The following TRPS1 variants were observed in gnomAD, a reference collection of about 807,000 sequenced individuals.
TRPS1 encodes the protein transcriptional repressor GATA binding 1, also known as zinc finger transcription factor Trps1.
A neutral mutation model predicts 101.2 loss-of-function variants in TRPS1; 6 were observed. The observed-to-expected ratio is 0.06, with a 90% CI of 0.03 to 0.12. The LOEUF (loss-of-function observed/expected upper bound fraction) is 0.12, where lower values mean the gene tolerates loss of function less well. TRPS1 is among the 10% of genes least tolerant of loss of function. TRPS1 has a pLI of 1.00. For missense variants in TRPS1, 1,363 were observed against 1,567.0 expected (o/e 0.87, Z 2.20); for synonymous variants, 578 against 589.8 (o/e 0.98, Z 0.29).
chr8:115,622,270 G>T (rs1362769170), intron 2 of TRPS1, among the ~76,000 whole-genome samples: 1 of 151,906 alleles, frequency 6.6e-6, no homozygotes, highest in African/African-American at 2.4e-5. Flanking sequence ...AACCTTTTAG[G>T]AGTCCTGTAT....
intron 5 of TRPS1, among the ~76,000 whole-genome samples, chr8:115,505,305 A>T (rs1471103471): frequency 6.6e-6 from 1 of 152,166 alleles, no homozygotes; most frequent in African/African-American, 2.4e-5. Context: ...TACAGTGCAG[A>T]CAAGACAGTA....
rs530894297 is a variant in TRPS1 at position 115,562,936 on chromosome 8, T to C, written c.2700+24065A>G. ...TGTGTGTGTGTGTGTGGTGTTCCTCTCTCTCCATTAGTTTATTAGATTGGC... is the reference window on the plus strand; with the variant it reads ...TGTGTGTGTGTGTGTGGTGTTCCTCCCTCTCCATTAGTTTATTAGATTGGC... On this transcript the variant is annotated intron_variant, in intron 5 of 6. Coordinates refer to ENST00000395715, the MANE Select transcript of TRPS1 (RefSeq NM_014112.5). Among the ~76,000 whole-genome samples, 5 of 150,082 alleles carry C rather than the reference T, an allele frequency of 3.3e-5. No individual in the cohort carries two copies. The South Asian group carries it at 1.1e-3, about 32-fold the overall frequency.
chr8:115,546,391 A>G (rs1412908205), intron 5 of TRPS1, among the ~76,000 whole-genome samples: 1 of 152,108 alleles, frequency 6.6e-6, no homozygotes, highest in Non-Finnish European at 1.5e-5. Flanking sequence ...ATTCTAATAC[A>G]CTTAAGTGAT....
intron 1 of TRPS1, 83 bp downstream of exon 1, chr8:115,668,462 C>G (rs1811985303): frequency 6.9e-6 from 1 of 145,504 alleles, no homozygotes; most frequent in South Asian, 2.1e-4. Context: ...CGCGGCGCCC[C>G]GGGCCCGGCC....
intron 5 of TRPS1, among the ~76,000 whole-genome samples, chr8:115,465,756 T>C (rs76128314): frequency 0.033 from 4,950 of 152,196 alleles, 260 homozygotes; most frequent in African/African-American, 0.11. Context: ...GGGCTCTCAT[T>C]TACAAAATCC....
chr8:115,596,532 G>C (rs1213824490), intron 4 of TRPS1, among the ~76,000 whole-genome samples: 1 of 151,724 alleles, frequency 6.6e-6, no homozygotes, highest in Non-Finnish European at 1.5e-5. Context: ...TAACTGAATC[G>C]AGATCTATGC....
chr8:115,542,432 T>C (rs777558381), intron 5 of TRPS1, among the ~76,000 whole-genome samples: 6 of 152,228 alleles, frequency 3.9e-5, no homozygotes, highest in Non-Finnish European at 7.4e-5. Flanking sequence ...AAAGCTATTA[T>C]ACTAAGATGA....
At chr8:115,474,716 C>A (rs1814556649) in intron 5 of TRPS1, among the ~76,000 whole-genome samples, 1 of 151,996 alleles carries the variant, frequency 6.6e-6, no homozygotes, top group Non-Finnish European at 1.5e-5. Context: ...GTTATTTACA[C>A]ATGGAATATA....
At chr8:115,508,747 C>T (rs1358309802) in intron 5 of TRPS1, among the ~76,000 whole-genome samples, 1 of 151,926 alleles carries the variant, frequency 6.6e-6, no homozygotes, top group Non-Finnish European at 1.5e-5. Context: ...TCTCTTGTAA[C>T]TTTGCTATGG....
chr8:115,540,606 A>G (rs1816429402), intron 5 of TRPS1, among the ~76,000 whole-genome samples: 1 of 151,960 alleles, frequency 6.6e-6, no homozygotes, highest in Non-Finnish European at 1.5e-5. Context: ...GTGGGGAATC[A>G]TAAAAAAAAA....
At chr8:115,651,075 A>T (rs1811549189) in intron 1 of TRPS1, among the ~76,000 whole-genome samples, 1 of 152,218 alleles carries the variant, frequency 6.6e-6, no homozygotes, top group Admixed American at 6.5e-5. Flanking sequence ...TTTCTGACTC[A>T]TGACCTTAGA....
chr8:115,526,097 T>C (rs573398702), intron 5 of TRPS1, among the ~76,000 whole-genome samples: 6 of 152,096 alleles, frequency 3.9e-5, no homozygotes, highest in Non-Finnish European at 7.4e-5. Flanking sequence ...TTAAGAACGT[T>C]CTGGGTCTCG....
Position 115,667,396 on chromosome 8 carries a change from G to A in TRPS1, c.-122+1149C>T, listed in dbSNP as rs528043790. Among the ~76,000 whole-genome samples the A allele has an allele frequency of 7.2e-5, 11 of 152,264 alleles. No individual in the cohort carries two copies. The South Asian group carries it at 2.3e-3, about 32-fold the overall frequency. On this transcript the variant is annotated intron_variant, in intron 1 of 6. Coordinates refer to ENST00000395715, the MANE Select transcript of TRPS1 (RefSeq NM_014112.5). ...CCTATAATCCTGGAGTTATTTGGAG[G>A]GACAGCGATGTTTGCCTTGGCCTTT...
At chr8:115,417,277 C>T (rs1007405615) in intron 6 of TRPS1, among the ~76,000 whole-genome samples, 1 of 152,098 alleles carries the variant, frequency 6.6e-6, no homozygotes, top group Non-Finnish European at 1.5e-5. Flanking sequence ...TGGAATCTTT[C>T]TACTTGCTAC....
intron 3 of TRPS1, among the ~76,000 whole-genome samples, chr8:115,605,501 A>T (rs553353136): frequency 6.6e-6 from 1 of 152,314 alleles, no homozygotes; most frequent in East Asian, 1.9e-4. Flanking sequence ...GCAGGCAAAG[A>T]TGAGGTCTCT....
intron 5 of TRPS1, among the ~76,000 whole-genome samples, chr8:115,441,485 G>A (rs556256595): frequency 6.6e-6 from 1 of 152,276 alleles, no homozygotes; most frequent in African/African-American, 2.4e-5. Flanking sequence ...GAGAAGACAA[G>A]ATCGGGAAGA....
At chr8:115,441,260 A>C (rs977498191) in intron 5 of TRPS1, among the ~76,000 whole-genome samples, 1 of 152,250 alleles carries the variant, frequency 6.6e-6, no homozygotes, top group African/African-American at 2.4e-5. Flanking sequence ...AGGTTAATTC[A>C]GTTGCCTCTT....
chr8:115,450,083 C>T (rs914456668), intron 5 of TRPS1, among the ~76,000 whole-genome samples: 3 of 151,974 alleles, frequency 2.0e-5, no homozygotes, highest in African/African-American at 4.8e-5. Context: ...CGTGATGCAA[C>T]TACACACAGT....
chr8:115,489,458 C>G (rs577114799), intron 5 of TRPS1, among the ~76,000 whole-genome samples: 3 of 152,272 alleles, frequency 2.0e-5, no homozygotes, highest in East Asian at 3.9e-4. Flanking sequence ...AATTTTATAG[C>G]ATACCATTGT....
Sources: allele counts gnomAD v4.1 joint callset (sites outside exome capture counted in the v4.1 genomes callset), GRCh38; gene constraint gnomAD v4.1.1; transcripts MANE v1.5; gene names NCBI Gene and HGNC (gene_info 2026-07-23, HGNC 2026-07-21).